Variants in WDR35 observed in about 807,000 individuals in gnomAD.
WDR35 encodes WD repeat-containing protein 35.
In WDR35, 118 loss-of-function variants were observed where a neutral mutation model predicts 158.3. The observed-to-expected ratio is 0.75, with a 90% CI of 0.64 to 0.87. The LOEUF (loss-of-function observed/expected upper bound fraction) is 0.87, where lower values mean the gene tolerates loss of function less well. Among genes scored for constraint, WDR35 ranks in the 40% least tolerant of loss-of-function variants. WDR35 has a pLI of 0.00. For missense variants in WDR35, 1,263 were observed against 1,405.8 expected (o/e 0.90, Z 1.62); for synonymous variants, 448 against 476.1 (o/e 0.94, Z 0.77).
intron 4 of WDR35, 26 bp from the exon 5 acceptor site, chr2:19,978,905 C>A (rs746542711): frequency 1.2e-6 from 2 of 1,612,264 alleles, no homozygotes; most frequent in African/African-American, 2.7e-5. Flanking sequence ...TAAAAAATTA[C>A]AAGTCAAAAC....
chr2:19,982,626 A>G, intron 2 of WDR35, 92 bp from the exon 3 acceptor site: 1 of 1,343,918 alleles, frequency 7.4e-7, no homozygotes, highest in Non-Finnish European at 1.0e-6. Context: ...GGCAGTATTA[A>G]TCATTTTTCT....
At chr2:19,971,978 C>T (rs1161739830) in intron 8 of WDR35, among the ~76,000 whole-genome samples, 5 of 152,158 alleles carry the variant, frequency 3.3e-5, no homozygotes, top group Admixed American at 2.0e-4. Flanking sequence ...AACTTCTCTA[C>T]GTCAAACTAC....
chr2:19,937,455 T>C lies in WDR35; in HGVS notation c.2267+288A>G, dbSNP rs1010941073. On this transcript the variant is annotated intron_variant, in intron 19 of 26. Coordinates refer to ENST00000281405, the MANE Select transcript of WDR35 (RefSeq NM_020779.4). ...GGAATAATGAGCTATGTCTTAAATA[T>C]AAAAGATCCCAGTCTCTGTTGTTCT... 8.9e-4 allele frequency among the ~76,000 whole-genome samples: 135 copies of C among 152,018 alleles called. 2 individuals are homozygous for C. The highest frequency in any genetic ancestry group is 3.2e-3 in the African/African-American group (132 of 41,468).
intron 11 of WDR35, among the ~76,000 whole-genome samples, chr2:19,958,692 C>T (rs961295062): frequency 6.6e-5 from 10 of 152,168 alleles, no homozygotes; most frequent in Middle Eastern, 3.4e-3. Context: ...GTTAATTAGA[C>T]GTAGATCTTT....
chr2:19,917,174 C>CA (rs1469218340), intron 25 of WDR35, among the ~76,000 whole-genome samples: 4 of 152,174 alleles, frequency 2.6e-5, no homozygotes, highest in Non-Finnish European at 5.9e-5. Flanking sequence ...GGAAAACTAA[C>CA]AAACAGAAAG....
rs1474138180 is a variant in WDR35 at position 19,973,547 on chromosome 2, A to G, written c.882+16T>C. The G allele has an allele frequency of 3.1e-6, 5 of 1,613,992 alleles. No individual in the cohort carries two copies. The highest frequency in any genetic ancestry group is 4.2e-6 in the Non-Finnish European group (5 of 1,180,002). On this transcript the variant is annotated intron_variant, in intron 8 of 26. Coordinates refer to ENST00000281405, the MANE Select transcript of WDR35 (RefSeq NM_020779.4). The stretch of plus-strand genomic sequence containing the variant: ...ATTTAAATAGAAAGAAAGAAGATCA[A>G]TTTGAATGCATTTACCTCACCAAAC...
At chr2:19,925,742 T>A (rs867072729) in intron 25 of WDR35, among the ~76,000 whole-genome samples, 8 of 152,156 alleles carry the variant, frequency 5.3e-5, no homozygotes, top group African/African-American at 1.7e-4. Context: ...AAGTTCTAAT[T>A]CCAGAACAAT....
intron 21 of WDR35, 52 bp downstream of exon 21, chr2:19,935,419 A>C: frequency 6.3e-7 from 1 of 1,598,092 alleles, no homozygotes; most frequent in Non-Finnish European, 8.5e-7. Flanking sequence ...TATAACATAA[A>C]ATTTTATAAA....
At position 19,966,706 on chromosome 2, in the gene WDR35, A is replaced by T. The variant is rs534362725; in HGVS notation, c.1194+18T>A. 6.2e-7 allele frequency: 1 copy of T among 1,612,858 alleles called. No individual in the cohort carries two copies. The highest frequency in any genetic ancestry group is 8.5e-7 in the Non-Finnish European group (1 of 1,179,632). ...GCAGTTAGCCCAGCTATGTCTTAAGATATCAAGAAACACCTACCTGAGGAT... is the reference window on the plus strand; with the variant it reads ...GCAGTTAGCCCAGCTATGTCTTAAGTTATCAAGAAACACCTACCTGAGGAT... On this transcript the variant is annotated intron_variant, in intron 10 of 26. Coordinates refer to ENST00000281405, the MANE Select transcript of WDR35 (RefSeq NM_020779.4).
chr2:19,925,000 C>T (rs1250672415), intron 25 of WDR35, among the ~76,000 whole-genome samples: 1 of 152,208 alleles, frequency 6.6e-6, no homozygotes, highest in Non-Finnish European at 1.5e-5. Context: ...CAATGAGGGG[C>T]CCGTCCTGGG....
At chr2:19,914,362 A>G in intron 25 of WDR35, 85 bp from the exon 26 acceptor site, 1 of 1,573,378 alleles carries the variant, frequency 6.4e-7, no homozygotes, top group Non-Finnish European at 8.7e-7. Context: ...AGTTAAGGTG[A>G]TTTCATTGAA....
At chr2:19,981,395 C>T (rs1302480510) in intron 3 of WDR35, among the ~76,000 whole-genome samples, 2 of 152,340 alleles carry the variant, frequency 1.3e-5, no homozygotes, top group Non-Finnish European at 2.9e-5. Flanking sequence ...TTATCTAACT[C>T]ACAGTCCATA....
intron 5 of WDR35, among the ~76,000 whole-genome samples, chr2:19,978,264 A>G (rs1240686638): frequency 6.6e-6 from 1 of 152,126 alleles, no homozygotes. Flanking sequence ...AAAATAAATT[A>G]TTTATCTACA....
chr2:19,925,095 C>T (rs1280351837), intron 25 of WDR35, among the ~76,000 whole-genome samples: 2 of 152,058 alleles, frequency 1.3e-5, no homozygotes, highest in African/African-American at 2.4e-5. Context: ...CCAGTAGTGC[C>T]GCAGTAGATT....
chr2:19,948,808 G>C (rs897065648), intron 13 of WDR35, among the ~76,000 whole-genome samples: 1 of 152,050 alleles, frequency 6.6e-6, no homozygotes, highest in African/African-American at 2.4e-5. Flanking sequence ...CAGCTACTTG[G>C]GAGGCTGAGG....
intron 11 of WDR35, among the ~76,000 whole-genome samples, chr2:19,956,767 C>T (rs750416719): frequency 1.3e-5 from 2 of 151,608 alleles, no homozygotes; most frequent in Non-Finnish European, 2.9e-5. Context: ...ACTACAGGCG[C>T]GCGCCACCAT....
chr2:19,954,840 T>C (rs1671371839), intron 11 of WDR35, among the ~76,000 whole-genome samples: 1 of 152,112 alleles, frequency 6.6e-6, no homozygotes, highest in Non-Finnish European at 1.5e-5. Context: ...ACACAAAAAC[T>C]CATATGCTGA....
Position 19,938,478 on chromosome 2 carries a change from A to G in WDR35, c.1927-77T>C, listed in dbSNP as rs542045462. 7.4e-4 allele frequency: 1,132 copies of G among 1,528,564 alleles called. 10 individuals carry two copies. In the South Asian group the frequency reaches 0.013, roughly 17 times the overall value. 94.7% of individuals were successfully genotyped at this position (1,528,564 alleles called of 1,614,324 possible). ...GTGTTTCTTTTTTATATTAAAAACCAGAACAAAACAAAACAAGAAAAAAAA... is the reference window on the plus strand; with the variant it reads ...GTGTTTCTTTTTTATATTAAAAACCGGAACAAAACAAAACAAGAAAAAAAA... On this transcript the variant is annotated intron_variant, in intron 17 of 26. Transcript: ENST00000281405.
At chr2:19,968,290 T>C (rs559643385) in intron 9 of WDR35, among the ~76,000 whole-genome samples, 1 of 152,212 alleles carries the variant, frequency 6.6e-6, no homozygotes, top group Admixed American at 6.5e-5. Context: ...GCTACTTTTT[T>C]TCCCCTCTCC....
Sources: gnomAD v4.1 joint callset for allele counts (sites outside exome capture counted in the v4.1 genomes callset) on GRCh38, gnomAD v4.1.1 for gene constraint, MANE v1.5 for transcripts, NCBI Gene and HGNC (gene_info 2026-07-23, HGNC 2026-07-21) for gene names.